The following RNF125 variants were observed in gnomAD, a reference collection of about 807,000 sequenced individuals.
RNF125 encodes the protein ring finger protein 125.
Under a neutral mutation model 26.0 loss-of-function variants are expected in RNF125, and 21 were observed. The observed-to-expected ratio is 0.81, with a 90% CI of 0.57 to 1.16. RNF125 has a LOEUF of 1.16. Ranked by LOEUF, RNF125 falls within the 50% of genes most tolerant of loss-of-function variation. RNF125 has a pLI of 0.00. For missense variants in RNF125, 270 were observed against 299.4 expected (o/e 0.90, Z 0.72); for synonymous variants, 95 against 109.2 (o/e 0.87, Z 0.81).
At chr18:32,024,712 A>G (rs1238633817) in intron 1 of RNF125, among the ~76,000 whole-genome samples, 1 of 152,076 alleles carries the variant, frequency 6.6e-6, no homozygotes, top group Non-Finnish European at 1.5e-5. Flanking sequence ...AAGAGCTGGG[A>G]TTACAGGCAT....
downstream of RNF125, among the ~76,000 whole-genome samples, chr18:32,075,637 G>A (rs577862682): frequency 6.1e-5 from 9 of 147,386 alleles, no homozygotes; most frequent in Admixed American, 1.4e-4. Flanking sequence ...AGGTTGCAGT[G>A]AGCCGAAATT....
the RNF125 span, among the ~76,000 whole-genome samples, chr18:32,086,814 T>A: frequency 4.6e-5 from 7 of 151,996 alleles, no homozygotes; most frequent in Non-Finnish European, 8.8e-5. Context: ...CCACCATGCC[T>A]GGCCTCTAAA....
Position 32,062,535 on chromosome 18 carries a change from G to A in RNF125, c.505-3367G>A, listed in dbSNP as rs187208918. Among the ~76,000 whole-genome samples, 363 of 152,228 alleles carry A rather than the reference G, an allele frequency of 2.4e-3. 2 individuals carry two copies. The highest frequency in any genetic ancestry group is 8.1e-3 in the African/African-American group (338 of 41,544). On this transcript the variant is annotated intron_variant, in intron 4 of 5. Transcript: ENST00000217740. ...CTAAAAATAAGATGTAAAAATTAGC[G>A]AAGTTGAGCAAAATTCAGAAATAGA...
chr18:32,078,557 A>G, the RNF125 span, among the ~76,000 whole-genome samples: 5 of 152,022 alleles, frequency 3.3e-5, no homozygotes, highest in African/African-American at 7.2e-5. Context: ...TGAGGACTGT[A>G]TAAGCCCAGG....
At chr18:32,050,709 A>C (rs1049930658) in intron 4 of RNF125, among the ~76,000 whole-genome samples, 4 of 151,976 alleles carry the variant, frequency 2.6e-5, no homozygotes, top group African/African-American at 9.7e-5. Context: ...CACAAACAGC[A>C]TGCTTTAGAC....
chr18:32,025,897 A>C (rs929434164), intron 1 of RNF125, among the ~76,000 whole-genome samples: 12 of 151,836 alleles, frequency 7.9e-5, no homozygotes, highest in Non-Finnish European at 1.6e-4. Flanking sequence ...GGAGATTTTA[A>C]GCTTTCAAAA....
chr18:32,057,055 T>C (rs2039392676), intron 4 of RNF125, among the ~76,000 whole-genome samples: 1 of 152,224 alleles, frequency 6.6e-6, no homozygotes, highest in Non-Finnish European at 1.5e-5. Flanking sequence ...CTTGAAGTTT[T>C]CCAGAATGGT....
At chr18:32,053,040 G>C (rs2039343865) in intron 4 of RNF125, among the ~76,000 whole-genome samples, 1 of 152,160 alleles carries the variant, frequency 6.6e-6, no homozygotes, top group African/African-American at 2.4e-5. Flanking sequence ...ACAGACTTTA[G>C]AAATGGAATT....
chr18:32,026,242 C>CTTTTTTTTTTTTTTTTTTT (rs1181390375), intron 1 of RNF125, among the ~76,000 whole-genome samples: 2 of 73,144 alleles, frequency 2.7e-5, no homozygotes, highest in African/African-American at 1.3e-4. Flanking sequence ...AGCACCCGGT[C>CTTTTTTTTTTTTTTTTTTT]TTTTTTTTTT....
the RNF125 span, among the ~76,000 whole-genome samples, chr18:32,083,692 G>T: frequency 6.6e-6 from 1 of 151,322 alleles, no homozygotes; most frequent in Admixed American, 6.6e-5. Flanking sequence ...TAGGCAGATT[G>T]CTTGAGCTCA....
chr18:32,046,636 A>G (rs542056099), intron 4 of RNF125, among the ~76,000 whole-genome samples: 8 of 151,334 alleles, frequency 5.3e-5, no homozygotes, highest in Non-Finnish European at 1.2e-4. Flanking sequence ...TGTTATTATG[A>G]CACTACACTA....
At chr18:32,038,619 C>T (rs796356146) in intron 2 of RNF125, among the ~76,000 whole-genome samples, 6 of 152,306 alleles carry the variant, frequency 3.9e-5, no homozygotes, top group African/African-American at 1.4e-4. Flanking sequence ...TTGCCTGTTG[C>T]AGTTTTCAAC....
downstream of RNF125, among the ~76,000 whole-genome samples, chr18:32,073,941 G>A (rs114174393): frequency 0.011 from 1,631 of 152,252 alleles, 29 homozygotes; most frequent in African/African-American, 0.037. Flanking sequence ...CTAGAAAATC[G>A]TGTGGTATTT....
At position 32,068,617 on chromosome 18, in the gene RNF125, ATCAGTCATTGT is replaced by A. The variant is rs1193013152; in HGVS notation, c.*235_*245del. 1 of 411,896 alleles carries A rather than the reference ATCAGTCATTGT, an allele frequency of 2.4e-6. No homozygotes were observed. Among genetic ancestry groups the A allele is most frequent in the African/African-American group, 2.0e-5 (1 of 48,986 alleles). The allele number at this position is 411,896 out of a possible 1,614,324, so 25.5% of individuals were successfully genotyped here. A position where few individuals can be genotyped will look rare whatever the true frequency, so the allele number is the denominator to read the frequency against. On this transcript the variant is annotated 3_prime_UTR_variant, in exon 6 of 6. Coordinates refer to ENST00000217740, the MANE Select transcript of RNF125 (RefSeq NM_017831.4). The stretch of plus-strand genomic sequence containing the variant: ...TCTAACAACAAAAAAAATTATCTAC[ATCAGTCATTGT>A]TACATGGAAAAGACAGGTGGTAGGC...
At chr18:32,029,067 A>G (rs1167032047) in intron 1 of RNF125, among the ~76,000 whole-genome samples, 1 of 152,204 alleles carries the variant, frequency 6.6e-6, no homozygotes, top group Non-Finnish European at 1.5e-5. Context: ...TTGGAAGAAC[A>G]CTGTGCCATG....
At chr18:32,074,119 A>G (rs577966638), downstream of RNF125, among the ~76,000 whole-genome samples, 118 of 152,314 alleles carry the variant, frequency 7.7e-4, no homozygotes, top group African/African-American at 2.7e-3. Flanking sequence ...TGCTCACCCA[A>G]AGTCTACTGT....
chr18:32,032,623 C>T (rs1007697181), intron 1 of RNF125, among the ~76,000 whole-genome samples: 3 of 152,042 alleles, frequency 2.0e-5, no homozygotes, highest in Non-Finnish European at 4.4e-5. Context: ...CGTGGGCAGA[C>T]AATCCTTAAC....
At chr18:32,023,475 T>G (rs2039004495) in intron 1 of RNF125, among the ~76,000 whole-genome samples, 1 of 152,082 alleles carries the variant, frequency 6.6e-6, no homozygotes, top group African/African-American at 2.4e-5. Flanking sequence ...ATTCTTTACA[T>G]ACCGCAAGGT....
chr18:32,055,078 T>C (rs1006389047), intron 4 of RNF125, among the ~76,000 whole-genome samples: 1 of 151,526 alleles, frequency 6.6e-6, no homozygotes, highest in East Asian at 1.9e-4. Flanking sequence ...GGGGGAATTG[T>C]TTGACCCCAT....
Sources: allele counts gnomAD v4.1 joint callset (sites outside exome capture counted in the v4.1 genomes callset), GRCh38; gene constraint gnomAD v4.1.1; transcripts MANE v1.5; gene names NCBI Gene and HGNC (gene_info 2026-07-23, HGNC 2026-07-21).